Variants in NRP1 observed in about 807,000 individuals in gnomAD.
NRP1 encodes neuropilin-1.
Under a neutral mutation model 106.7 loss-of-function variants are expected in NRP1, and 35 were observed. That is an observed-to-expected ratio of 0.33 (90% CI 0.25 to 0.43). NRP1 has a LOEUF of 0.43. NRP1 is among the 20% of genes least tolerant of loss of function. The pLI is 1.00. For synonymous variants in NRP1, 437 were observed against 417.9 expected (o/e 1.05, Z -0.56); for missense variants, 1,024 against 1,170.4 (o/e 0.87, Z 1.83).
rs1485190718 is a variant in NRP1 at position 33,202,926 on chromosome 10, C to T, written c.1829G>A (p.Cys610Tyr). 6.2e-7 allele frequency: 1 copy of T among 1,614,212 alleles called. No individual in the cohort carries two copies. Among genetic ancestry groups the T allele is most frequent in the Admixed American group, 1.7e-5 (1 of 60,030 alleles). Reference sequence around the variant, plus strand: ...GAAGTCATCACCTGTTCCACTGTGGCAGTTGGCCTGGTCGTCATCACATTC... The same window carrying T: ...GAAGTCATCACCTGTTCCACTGTGGTAGTTGGCCTGGTCGTCATCACATTC... ...VDECDDDQAN[C>Y]HSGTGDDFQL... Residue 610 changes from cysteine (C) to tyrosine (Y), a missense_variant, in exon 11 of 17, where the codon TGC (cysteine) becomes TAC (tyrosine). By Grantham distance (194) the Cys-to-Tyr change is radical. Transcript: ENST00000374867.
chr10:33,332,240 T>G (rs1285506186), intron 1 of NRP1, among the ~76,000 whole-genome samples: 2 of 152,232 alleles, frequency 1.3e-5, no homozygotes, highest in African/African-American at 2.4e-5. Context: ...GCTGGTTTCC[T>G]TTGCACTGGC....
At chr10:33,239,226 TGC>T (rs1336376317) in intron 6 of NRP1, among the ~76,000 whole-genome samples, 2 of 151,588 alleles carry the variant, frequency 1.3e-5, no homozygotes, top group Non-Finnish European at 2.9e-5. Context: ...AGGTCGATGC[TGC>T]AGTGAGCTGC....
intron 11 of NRP1, among the ~76,000 whole-genome samples, chr10:33,200,726 C>T (rs1386065656): frequency 6.6e-6 from 1 of 152,174 alleles, no homozygotes; most frequent in Non-Finnish European, 1.5e-5. Context: ...GTGTAGTTTC[C>T]ATATAAAAAG....
At chr10:33,216,219 G>A (rs1316714729) in intron 8 of NRP1, among the ~76,000 whole-genome samples, 2 of 146,672 alleles carry the variant, frequency 1.4e-5, no homozygotes, top group Non-Finnish European at 3.0e-5. Context: ...CTCACTGCAA[G>A]CTCCACCTCC....
chr10:33,298,966 C>T (rs1845611095), intron 2 of NRP1, among the ~76,000 whole-genome samples: 1 of 152,156 alleles, frequency 6.6e-6, no homozygotes, highest in African/African-American at 2.4e-5. Flanking sequence ...GCATTGAGCA[C>T]TTATTTGTGC....
At chr10:33,230,918 C>G (rs1317727182) in intron 6 of NRP1, among the ~76,000 whole-genome samples, 2 of 152,178 alleles carry the variant, frequency 1.3e-5, no homozygotes, top group Admixed American at 1.3e-4. Context: ...TTTTCTCCTT[C>G]CCTTACAAGC....
rs11310131 is a variant in NRP1 at position 33,208,899 on chromosome 10, CTTTTTTT to C, written c.1615-1190_1615-1184del. ...ATAAAATGGTCCATTTTAGAGCAGCCTTTTTTTTTTTTTTTTTTTTTTTTTGAGACAG... is the reference window on the plus strand; with the variant it reads ...ATAAAATGGTCCATTTTAGAGCAGCCTTTTTTTTTTTTTTTTTTGAGACAG... On this transcript the variant is annotated intron_variant, in intron 9 of 16. Transcript: ENST00000374867. 3.5e-5 allele frequency among the ~76,000 whole-genome samples: 3 copies of C among 85,240 alleles called. 1 individual carries two copies. The highest frequency in any genetic ancestry group is 6.5e-5 in the Non-Finnish European group (3 of 46,202). The allele number at this position is 85,240 out of a possible 152,430, so 55.9% of individuals were successfully genotyped here. A position where few individuals can be genotyped will look rare whatever the true frequency, so the allele number is the denominator to read the frequency against.
At chr10:33,253,465 G>C (rs576060870) in intron 6 of NRP1, among the ~76,000 whole-genome samples, 2 of 152,252 alleles carry the variant, frequency 1.3e-5, no homozygotes, top group East Asian at 3.9e-4. Flanking sequence ...TGGATATCTC[G>C]TCAATGGAGA....
At chr10:33,287,451 G>T (rs1482295373) in intron 2 of NRP1, among the ~76,000 whole-genome samples, 1 of 152,142 alleles carries the variant, frequency 6.6e-6, no homozygotes, top group African/African-American at 2.4e-5. Context: ...ATAATTTTTG[G>T]TGGAAAAAGT....
chr10:33,225,376 T>C (rs1465189591), intron 7 of NRP1, among the ~76,000 whole-genome samples: 4 of 152,252 alleles, frequency 2.6e-5, no homozygotes, highest in African/African-American at 7.2e-5. Flanking sequence ...TCTTTGCTCC[T>C]ATCCTCATCA....
rs756010095 is a variant in NRP1 at position 33,207,451 on chromosome 10, G to A, written c.1759+121C>T. The A allele has an allele frequency of 7.2e-5, 75 of 1,037,074 alleles. No individual in the cohort carries two copies. In the Middle Eastern group the frequency reaches 9.1e-4, roughly 13 times the overall value. The allele number at this position is 1,037,074 out of a possible 1,614,324, so 64.2% of individuals were successfully genotyped here. ...TGAGTCTCACTGATGGGCAGGCACC[G>A]AGATAAGGGGCCTCCCAAGGGAAAA... On this transcript the variant is annotated intron_variant, in intron 10 of 16. Transcript: ENST00000374867.
intron 2 of NRP1, among the ~76,000 whole-genome samples, chr10:33,293,744 T>A (rs1336035433): frequency 1.3e-5 from 2 of 152,218 alleles, no homozygotes; most frequent in Non-Finnish European, 2.9e-5. Context: ...CTCGCGTGCA[T>A]GCACACACAC....
chr10:33,202,569 G>GGA lies in NRP1; in HGVS notation c.1864+321_1864+322insTC, dbSNP rs1356804191. Reference sequence around the variant, plus strand: ...CGTAGGGGTGGTGCACGTGTTATTGGGGGGGGGTCTGAAAATAATGAAAAT... The same window carrying GGA: ...CGTAGGGGTGGTGCACGTGTTATTGGGAGGGGGGGTCTGAAAATAATGAAAAT... On this transcript the variant is annotated intron_variant, in intron 11 of 16. Coordinates refer to ENST00000374867, the MANE Select transcript of NRP1 (RefSeq NM_003873.7). The GGA allele has an allele frequency of 7.8e-6, 11 of 1,405,532 alleles. 2 individuals carry two copies. In the East Asian group the frequency reaches 3.0e-4, roughly 38 times the overall value. 87.1% of individuals were successfully genotyped at this position (1,405,532 alleles called of 1,614,324 possible).
chr10:33,186,175 C>A (rs1372378523), intron 14 of NRP1, 42 bp downstream of exon 14: 8 of 1,538,756 alleles, frequency 5.2e-6, no homozygotes, highest in Non-Finnish European at 7.0e-6. Context: ...TCTCAGCATT[C>A]CTGCAGCCAC....
At chr10:33,283,514 C>T (rs1223469064) in intron 2 of NRP1, among the ~76,000 whole-genome samples, 1 of 152,096 alleles carries the variant, frequency 6.6e-6, no homozygotes, top group African/African-American at 2.4e-5. Context: ...TCTGGATGTA[C>T]AATAATACTT....
intron 2 of NRP1, among the ~76,000 whole-genome samples, chr10:33,309,735 C>T (rs1042739911): frequency 1.3e-5 from 2 of 152,196 alleles, no homozygotes; most frequent in African/African-American, 4.8e-5. Context: ...ATCAAGGGGG[C>T]TTTTTCTCGA....
chr10:33,313,171 A>G (rs73252185), intron 2 of NRP1, among the ~76,000 whole-genome samples: 1,819 of 152,348 alleles, frequency 0.012, 35 homozygotes, highest in African/African-American at 0.041. Context: ...TCCTTAGAAT[A>G]AATTTTGCCA....
intron 6 of NRP1, among the ~76,000 whole-genome samples, chr10:33,248,923 C>G (rs1334175942): frequency 6.6e-6 from 1 of 152,098 alleles, no homozygotes; most frequent in Non-Finnish European, 1.5e-5. Flanking sequence ...TTTTTTTCCA[C>G]AAGAGAAAAA....
At chr10:33,226,385 C>A in intron 6 of NRP1, 96 bp from the exon 7 acceptor site, 1 of 1,348,552 alleles carries the variant, frequency 7.4e-7, no homozygotes. Flanking sequence ...GGTTTTCATC[C>A]ACCTGGGATC....
Sources: gnomAD v4.1 joint callset for allele counts (sites outside exome capture counted in the v4.1 genomes callset) on GRCh38, gnomAD v4.1.1 for gene constraint, MANE v1.5 for transcripts, NCBI Gene and HGNC (gene_info 2026-07-23, HGNC 2026-07-21) for gene names.